CHD2: variants seen among roughly 807,000 people sequenced by gnomAD.
CHD2 encodes chromodomain helicase DNA binding protein 2.
A neutral mutation model predicts 243.9 loss-of-function variants in CHD2; 28 were observed. The ratio of observed to expected loss-of-function variants is 0.11; its 90% CI spans 0.09 to 0.16. The LOEUF (loss-of-function observed/expected upper bound fraction) is 0.16, where lower values mean the gene tolerates loss of function less well. Ranked by LOEUF, CHD2 falls within the 10% of genes least tolerant of loss-of-function variation. The pLI is 1.00. For missense variants in CHD2, 1,386 were observed against 2,209.8 expected, an observed-to-expected ratio of 0.63 and a Z score of 7.47; for synonymous variants, 775 against 779.0, an observed-to-expected ratio of 0.99 and a Z score of 0.09.
In CHD2 at chr15:92,940,825, AT is replaced by A. The variant is rs1486288725; in HGVS notation, c.693-995del. On this transcript the variant is annotated intron_variant, in intron 7 of 38. Transcript: ENST00000394196. ...TAAATAAATATAAATATATATAAAT[AT>A]TATAAATATATAAAAATATATATAA... is the stretch of plus-strand genomic sequence containing the variant. Among the ~76,000 whole-genome samples, 988 of 139,216 alleles carry A rather than the reference AT, an allele frequency of 7.1e-3. 49 individuals are homozygous for A. Among genetic ancestry groups the A allele is most frequent in the South Asian group, 0.014 (64 of 4,562 alleles). 91.3% of individuals were successfully genotyped at this position (139,216 alleles called of 152,430 possible). A position where few individuals can be genotyped will look rare whatever the true frequency, so the allele number is the denominator to read the frequency against.
chr15:92,902,108 G>C, intron 2 of CHD2: 1 of 397,562 alleles, frequency 2.5e-6, no homozygotes. Context: ...ATTTCCTGTT[G>C]GTAGATGTAT....
chr15:92,940,886 ATAT>A, intron 7 of CHD2, among the ~76,000 whole-genome samples: 1 of 86,980 alleles, frequency 1.1e-5, no homozygotes, highest in Admixed American at 1.6e-4. Context: ...ATATAAATAT[ATAT>A]AAAAATATAT....
At chr15:92,905,633 G>A (rs1189651476) in intron 2 of CHD2, among the ~76,000 whole-genome samples, 1 of 152,200 alleles carries the variant, frequency 6.6e-6, no homozygotes, top group African/African-American at 2.4e-5. Flanking sequence ...AATTCACTAT[G>A]ATAGTGAGTT....
At chr15:92,919,330 GTTCCCCTCA>G (rs1320465330) in intron 2 of CHD2, among the ~76,000 whole-genome samples, 2 of 150,882 alleles carry the variant, frequency 1.3e-5, no homozygotes, top group African/African-American at 4.9e-5. Context: ...TCTTTAAGCA[GTTCCCCTCA>G]TTAGTACTTG....
rs193089255 is a variant in CHD2 at position 92,974,969 on chromosome 15, T to C, written c.2577+19T>C. ...GTCTGAGGTATACTATGCATGGCTT[T>C]GTTATTTGAGCAACTTGGGCTCTGC... is the stretch of plus-strand genomic sequence containing the variant. On this transcript the variant is annotated intron_variant, in intron 20 of 38. Transcript: ENST00000394196. The C allele has an allele frequency of 9.4e-5, 151 of 1,607,486 alleles. No homozygotes were observed. In the African/African-American group the frequency reaches 1.9e-3, roughly 20 times the overall value.
chr15:92,935,890 C>G (rs1225675255), intron 5 of CHD2, among the ~76,000 whole-genome samples: 6 of 152,104 alleles, frequency 3.9e-5, no homozygotes, highest in Non-Finnish European at 5.9e-5. Context: ...AGAAGCACCC[C>G]TACCCGTCTG....
At chr15:92,945,999 G>GAA in intron 11 of CHD2, 39 bp from the exon 12 acceptor site, 1 of 1,525,496 alleles carries the variant, frequency 6.6e-7, no homozygotes, top group South Asian at 1.3e-5. Flanking sequence ...ACTTTTAATT[G>GAA]ACAGTTGCTA....
At chr15:92,932,273 A>G (rs554049520) in intron 5 of CHD2, among the ~76,000 whole-genome samples, 8 of 150,596 alleles carry the variant, frequency 5.3e-5, no homozygotes, top group Non-Finnish European at 1.2e-4. Flanking sequence ...TCAGTTACAT[A>G]CAATTAGTTG....
chr15:92,938,199 C>T (rs1028461631), intron 6 of CHD2, among the ~76,000 whole-genome samples: 1 of 152,106 alleles, frequency 6.6e-6, no homozygotes, highest in Admixed American at 6.5e-5. Flanking sequence ...TTTCATATGG[C>T]CTGTGAGCTA....
chr15:92,966,178 C>T (rs1033106812), intron 16 of CHD2, among the ~76,000 whole-genome samples: 4 of 151,510 alleles, frequency 2.6e-5, no homozygotes, highest in Non-Finnish European at 5.9e-5. Flanking sequence ...ATTCTCCTGC[C>T]TCAGCCTCCT....
intron 16 of CHD2, among the ~76,000 whole-genome samples, chr15:92,966,909 CA>C (rs57813753): frequency 3.7e-4 from 49 of 132,662 alleles, no homozygotes; most frequent in Admixed American, 4.5e-4. Context: ...GACTCTGTCT[CA>C]AAAAAAAAAA....
intron 5 of CHD2, 142 bp downstream of exon 5, chr15:92,929,233 A>C (rs572841674): frequency 1.4e-6 from 1 of 702,000 alleles, no homozygotes. Flanking sequence ...GTGACTGTCT[A>C]CCTTGACCTG....
At chr15:92,940,760 T>A (rs1342729032) in intron 7 of CHD2, among the ~76,000 whole-genome samples, 2 of 140,316 alleles carry the variant, frequency 1.4e-5, no homozygotes, top group South Asian at 2.2e-4. Context: ...GTTACATATA[T>A]AAAAATATAT....
At position 92,998,070 on chromosome 15, in the gene CHD2, A is replaced by T. The variant is rs1414311783; in HGVS notation, c.3886-429A>T. 1 of 498,326 alleles carries T rather than the reference A, an allele frequency of 2.0e-6. No individual in the cohort carries two copies. Among genetic ancestry groups the T allele is most frequent in the African/African-American group, 2.1e-5 (1 of 48,098 alleles). The allele number at this position is 498,326 out of a possible 1,614,324, so 30.9% of individuals were successfully genotyped here. ...ACCCAGTTGTTGTAGCAAGGAACAGATCATGTCCTGGCGTAGCTCAGTGCT... is the reference window on the plus strand; with the variant it reads ...ACCCAGTTGTTGTAGCAAGGAACAGTTCATGTCCTGGCGTAGCTCAGTGCT... On this transcript the variant is annotated intron_variant, in intron 30 of 38. Transcript: ENST00000394196. The surrounding 1 kb of genome is among the most constrained non-coding windows in gnomAD (Gnocchi z 5.1).
chr15:92,991,177 C>G (rs2054115153), intron 26 of CHD2, among the ~76,000 whole-genome samples: 1 of 152,132 alleles, frequency 6.6e-6, no homozygotes. Context: ...CTTGTATCTT[C>G]TAAAAAGGAT....
At chr15:92,927,183 G>A (rs961254741) in intron 3 of CHD2, 61 bp from the exon 4 acceptor site, 12 of 1,199,660 alleles carry the variant, frequency 1.0e-5, no homozygotes, top group Non-Finnish European at 1.5e-5. Context: ...TGCAATAAAC[G>A]TTTGATAATA....
intron 22 of CHD2, 89 bp from the exon 23 acceptor site, chr15:92,980,726 C>T (rs1449309499): frequency 1.1e-6 from 1 of 879,456 alleles, no homozygotes; most frequent in Non-Finnish European, 1.8e-6. Flanking sequence ...CAGCAGTTAA[C>T]TTGACCTCTT....
At chr15:92,958,812 T>G (rs2053648193) in intron 16 of CHD2, among the ~76,000 whole-genome samples, 1 of 150,798 alleles carries the variant, frequency 6.6e-6, no homozygotes, top group African/African-American at 2.5e-5. Flanking sequence ...CAACTCTTTA[T>G]TATAAAGTTG....
At chr15:92,908,275 C>T (rs953315883) in intron 2 of CHD2, among the ~76,000 whole-genome samples, 1 of 152,120 alleles carries the variant, frequency 6.6e-6, no homozygotes, top group Non-Finnish European at 1.5e-5. Flanking sequence ...GTAATATTTA[C>T]AACCAATGTC....
Sources: allele counts gnomAD v4.1 joint callset (sites outside exome capture counted in the v4.1 genomes callset), GRCh38; gene constraint gnomAD v4.1.1; non-coding constraint Gnocchi (gnomAD v3.1); transcripts MANE v1.5; gene names NCBI Gene and HGNC (gene_info 2026-07-23, HGNC 2026-07-21).